Variants in ZFAND1 observed in about 807,000 individuals in gnomAD.
ZFAND1 encodes the protein AN1-type zinc finger protein 1.
Under a neutral mutation model 38.5 loss-of-function variants are expected in ZFAND1, and 40 were observed. The ratio of observed to expected loss-of-function variants is 1.04; its 90% confidence interval spans 0.81 to 1.35. ZFAND1 has a LOEUF of 1.35. ZFAND1 is among the 40% of genes most tolerant of loss of function. The pLI is 0.00. For missense variants in ZFAND1, 346 were observed against 316.3 expected, an observed-to-expected ratio of 1.09 and a Z score of -0.71; for synonymous variants, 117 against 103.6, an observed-to-expected ratio of 1.13 and a Z score of -0.78.
intron 3 of ZFAND1, among the ~76,000 whole-genome samples, chr8:81,715,837 C>A (rs1327383251): frequency 6.6e-6 from 1 of 152,038 alleles, no homozygotes; most frequent in Non-Finnish European, 1.5e-5. Context: ...TTGCAATGGC[C>A]TAATGATGTT....
intron 2 of ZFAND1, among the ~76,000 whole-genome samples, chr8:81,717,773 T>C (rs1288680157): frequency 1.3e-5 from 2 of 152,116 alleles, no homozygotes; most frequent in Non-Finnish European, 2.9e-5. Context: ...TTTTCCAAAA[T>C]TCTTCATTAA....
rs564472547 is a variant in ZFAND1 at position 81,704,157 on chromosome 8, T to A, written c.481-1033A>T. On this transcript the variant is annotated intron_variant, in intron 6 of 7. Transcript: ENST00000220669. ...AGACCTCCAAACCCCAAGTACCTTATCAACAAAAGAAAGGACTTGGAAAGG... is the reference window on the plus strand; with the variant it reads ...AGACCTCCAAACCCCAAGTACCTTAACAACAAAAGAAAGGACTTGGAAAGG... Among the ~76,000 whole-genome samples, 10 of 152,130 alleles carry A rather than the reference T, an allele frequency of 6.6e-5. No homozygotes were observed. The South Asian group carries it at 2.1e-3, about 32-fold the overall frequency.
chr8:81,714,261 G>C (rs1808232865), intron 5 of ZFAND1: 6 of 436,494 alleles, frequency 1.4e-5, no homozygotes, highest in Non-Finnish European at 2.4e-5. Flanking sequence ...CCACTATAAT[G>C]TGCTTCTTTT....
rs1808001975 is a variant in ZFAND1, at chr8:81,706,935, A to G, written c.481-3811T>C. 2.0e-5 allele frequency among the ~76,000 whole-genome samples: 3 copies of G among 152,220 alleles called. No homozygotes were observed. In the South Asian group the frequency reaches 6.2e-4, roughly 31 times the overall value. ...ATGAAAATAAGGAATACAATATAAA[A>G]GAAGAAAAATATGAAATGTTACAGA... On this transcript the variant is annotated intron_variant, in intron 6 of 7. Transcript: ENST00000220669.
chr8:81,709,333 T>C (rs182205033), intron 6 of ZFAND1, among the ~76,000 whole-genome samples: 1 of 152,278 alleles, frequency 6.6e-6, no homozygotes, highest in East Asian at 1.9e-4. Context: ...AATATCTATC[T>C]CAGCCCAGTG....
intron 6 of ZFAND1, among the ~76,000 whole-genome samples, chr8:81,708,106 G>A (rs757283152): frequency 2.0e-5 from 3 of 151,776 alleles, no homozygotes; most frequent in African/African-American, 2.4e-5. Flanking sequence ...AAAATTAGCC[G>A]GGCCATGGTG....
chr8:81,707,736 T>C (rs1410203791), intron 6 of ZFAND1, among the ~76,000 whole-genome samples: 1 of 152,096 alleles, frequency 6.6e-6, no homozygotes. Flanking sequence ...AAAAAATAAA[T>C]GAGTAGACTG....
At chr8:81,704,107 C>CA (rs11365036) in intron 6 of ZFAND1, among the ~76,000 whole-genome samples, 31 of 147,476 alleles carry the variant, frequency 2.1e-4, no homozygotes, top group East Asian at 6.6e-4. Flanking sequence ...ACATTAAAAA[C>CA]AAAAAAAAAA....
In ZFAND1 at chr8:81,714,873, C is replaced by T; in HGVS notation, c.289G>A (p.Glu97Lys). 1 of 1,614,058 alleles carries T rather than the reference C, an allele frequency of 6.2e-7. No homozygotes were observed. Among genetic ancestry groups the T allele is most frequent in the Non-Finnish European group, 8.5e-7 (1 of 1,179,952 alleles). ...TTTGGGATTTCCAGTTTTTCACACT[C>T]ATGATCTGACTGATGACGGTGTCTA... Reference protein sequence around the residue: ...CLRHRHQSDHECEKLEIPKPR... With the variant: ...CLRHRHQSDHKCEKLEIPKPR... Residue 97 changes from glutamate to lysine, a missense_variant, in exon 5 of 8, where the codon GAG becomes AAG. Physicochemically the swap from Glu to Lys is moderately conservative, Grantham distance 56. Transcript: ENST00000220669.
rs1271202515 is a variant in ZFAND1 at position 81,721,261 on chromosome 8, C to G, written c.21G>C (p.Gly7=). Residue 7 remains glycine, a synonymous_variant, in exon 1 of 8, where the codon GGG becomes GGC. Coordinates refer to ENST00000220669, the MANE Select transcript of ZFAND1 (RefSeq NM_024699.3). MAELDI[G]QHCQVEHCRQ... ...GGCAATGCTCCACCTGGCAGTGCTGCCCGATGTCCAACTCCGCCATCTCTC... is the reference window on the plus strand; with the variant it reads ...GGCAATGCTCCACCTGGCAGTGCTGGCCGATGTCCAACTCCGCCATCTCTC... 5.2e-6 allele frequency: 8 copies of G among 1,549,176 alleles called. No individual in the cohort carries two copies. Among genetic ancestry groups the G allele is most frequent in the Admixed American group, 3.9e-5 (2 of 51,038 alleles).
At chr8:81,719,792 A>G (rs77085169) in intron 1 of ZFAND1, among the ~76,000 whole-genome samples, 6,094 of 152,288 alleles carry the variant, frequency 0.04, 137 homozygotes, top group East Asian at 0.086. Flanking sequence ...CACTAAAGAC[A>G]TATATAGCTG....
intron 5 of ZFAND1, chr8:81,714,535 C>G: frequency 2.6e-6 from 1 of 384,920 alleles, no homozygotes; most frequent in South Asian, 2.8e-5. Context: ...CTCATGAATA[C>G]CATTTCTAGC....
intron 6 of ZFAND1, among the ~76,000 whole-genome samples, chr8:81,706,370 CAAAAAAAAAA>C (rs35031788): frequency 2.1e-3 from 154 of 72,680 alleles, no homozygotes; most frequent in African/African-American, 7.4e-3. Context: ...GAAGGAGAAA[CAAAAAAAAAA>C]AAAAAAAAAA....
At chr8:81,708,811 T>C (rs1366208257) in intron 6 of ZFAND1, 5 of 1,265,592 alleles carry the variant, frequency 4.0e-6, no homozygotes, top group South Asian at 2.6e-5. Context: ...TTAAAAATAC[T>C]TCACTCCAGA....
intron 6 of ZFAND1, among the ~76,000 whole-genome samples, chr8:81,710,561 C>T (rs1387082644): frequency 6.6e-6 from 1 of 151,868 alleles, no homozygotes; most frequent in African/African-American, 2.4e-5. Flanking sequence ...ATTCAATTCA[C>T]CTACAAAAGA....
chr8:81,702,287 G>C lies in ZFAND1; in HGVS notation c.*408C>G, dbSNP rs374857069. Reference sequence around the variant, plus strand: ...TACATGCATCTTTTAAGAGAAAACCGAAGTGTATTTCATCTCTTTCTCTCT... The same window carrying C: ...TACATGCATCTTTTAAGAGAAAACCCAAGTGTATTTCATCTCTTTCTCTCT... On this transcript the variant is annotated 3_prime_UTR_variant, in exon 8 of 8. Transcript: ENST00000220669. 3 of 153,272 alleles carry C rather than the reference G, an allele frequency of 2.0e-5. No individual in the cohort carries two copies. The Admixed American group carries it at 2.0e-4, about 10-fold the overall frequency. The allele number at this position is 153,272 out of a possible 1,614,324, so 9.5% of individuals were successfully genotyped here.
At chr8:81,703,789 A>G (rs1315041868) in intron 6 of ZFAND1, among the ~76,000 whole-genome samples, 1 of 152,154 alleles carries the variant, frequency 6.6e-6, no homozygotes. Context: ...CCGTCACCTA[A>G]CAGCCATTCC....
chr8:81,705,073 G>GT (rs1213748790), intron 6 of ZFAND1, among the ~76,000 whole-genome samples: 3 of 152,178 alleles, frequency 2.0e-5, no homozygotes, highest in Non-Finnish European at 4.4e-5. Flanking sequence ...CAGCTTATAG[G>GT]TAAGTGGGAA....
intron 6 of ZFAND1, among the ~76,000 whole-genome samples, chr8:81,707,578 A>G (rs118129022): frequency 1.1e-3 from 172 of 152,352 alleles, no homozygotes; most frequent in Non-Finnish European, 1.9e-3. Flanking sequence ...AAATCTGAAT[A>G]TAATAATCAT....
Sources: allele counts gnomAD v4.1 joint callset (sites outside exome capture counted in the v4.1 genomes callset), GRCh38; gene constraint gnomAD v4.1.1; transcripts MANE v1.5; gene names NCBI Gene and HGNC (gene_info 2026-07-23, HGNC 2026-07-21).